RGPD4: variants seen among roughly 807,000 people sequenced by gnomAD.
The protein encoded by RGPD4 is RANBP2 like and GRIP domain containing 4.
RGPD4 carries 84 observed loss-of-function variants against 141.1 expected under a neutral mutation model. The observed-to-expected ratio is 0.60, with a 90% CI of 0.50 to 0.71. RGPD4 has a LOEUF of 0.71. RGPD4 is among the 30% of genes least tolerant of loss of function. The pLI, the probability that RGPD4 is intolerant of heterozygous loss-of-function variation, is 0.00. For missense variants in RGPD4, 918 were observed against 1,622.4 expected (o/e 0.57, Z 7.46); for synonymous variants, 298 against 566.8 (o/e 0.53, Z 6.74).
chr2:107,881,421 G>T (rs758428291), intron 21 of RGPD4, among the ~76,000 whole-genome samples: 2 of 151,638 alleles, frequency 1.3e-5, no homozygotes, highest in African/African-American at 2.4e-5. Flanking sequence ...AGGTTCAAGC[G>T]ATTCCCCTGC....
intron 1 of RGPD4, among the ~76,000 whole-genome samples, chr2:107,831,152 G>A (rs1232687278): frequency 1.0e-5 from 1 of 99,762 alleles, no homozygotes; most frequent in African/African-American, 3.5e-5. Context: ...ACTCCAGCCT[G>A]TGTGACAGAG....
chr2:107,829,545 C>T (rs1363660106), intron 1 of RGPD4, among the ~76,000 whole-genome samples: 2 of 144,246 alleles, frequency 1.4e-5, no homozygotes, highest in Admixed American at 6.8e-5. Context: ...CGGCCTCGAC[C>T]TGGCCCGGCG....
At chr2:107,845,803 A>T (rs1374690909) in intron 6 of RGPD4, among the ~76,000 whole-genome samples, 27 of 152,004 alleles carry the variant, frequency 1.8e-4, no homozygotes, top group African/African-American at 5.8e-4. Context: ...TGACCTCGTG[A>T]TCTGCCCTCC....
chr2:107,855,759 A>C (rs1682286445), intron 8 of RGPD4, among the ~76,000 whole-genome samples: 2 of 101,010 alleles, frequency 2.0e-5, no homozygotes, highest in East Asian at 5.7e-4. Flanking sequence ...GAAGATTTTC[A>C]TCACTCCATG....
At chr2:107,827,336 GCGGC>G (rs1262985388) in intron 1 of RGPD4, among the ~76,000 whole-genome samples, 2 of 137,332 alleles carry the variant, frequency 1.5e-5, no homozygotes, top group Admixed American at 7.1e-5. Flanking sequence ...CGGCCCGGCG[GCGGC>G]CTCGATGGCT....
intron 6 of RGPD4, among the ~76,000 whole-genome samples, chr2:107,844,835 T>TTTG (rs1681863652): frequency 1.1e-5 from 1 of 92,542 alleles, no homozygotes; most frequent in Non-Finnish European, 2.3e-5. Context: ...TTTTTGTTTT[T>TTTG]TTTTTTTTTT....
Position 107,890,780 on chromosome 2 carries a change from G to C in RGPD4, c.*49G>C, listed in dbSNP as rs1455801438. 6.3e-7 allele frequency: 1 copy of C among 1,597,254 alleles called. No homozygotes were observed. Among genetic ancestry groups the C allele is most frequent in the Admixed American group, 1.8e-5 (1 of 57,100 alleles). ...GGCATCCTATCTTCGTAGTTGGTTTGGACTTCGATAGGTTGATGGAAGGAA... is the reference window on the plus strand; with the variant it reads ...GGCATCCTATCTTCGTAGTTGGTTTCGACTTCGATAGGTTGATGGAAGGAA... On this transcript the variant is annotated 3_prime_UTR_variant, in exon 23 of 23. Transcript: ENST00000408999.
At chr2:107,855,522 C>G (rs1363916069) in intron 8 of RGPD4, among the ~76,000 whole-genome samples, 1 of 151,680 alleles carries the variant, frequency 6.6e-6, no homozygotes, top group Admixed American at 6.6e-5. Flanking sequence ...TTTTTTATGT[C>G]TTTGATCTGG....
chr2:107,857,474 C>G lies in RGPD4; in HGVS notation c.1276+505C>G, dbSNP rs1178348085. 4.0e-5 allele frequency among the ~76,000 whole-genome samples: 6 copies of G among 149,646 alleles called. No homozygotes were observed. In the East Asian group the frequency reaches 1.0e-3, roughly 26 times the overall value. ...TTGAGACAGGGTCTCGCTGTGTCACCTGGGCTGGAGTGTAGTGGCGTGATC... is the reference window on the plus strand; with the variant it reads ...TTGAGACAGGGTCTCGCTGTGTCACGTGGGCTGGAGTGTAGTGGCGTGATC... On this transcript the variant is annotated intron_variant, in intron 9 of 22. Transcript: ENST00000408999.
chr2:107,889,139 A>C (rs1470948676), intron 22 of RGPD4, among the ~76,000 whole-genome samples: 1 of 150,196 alleles, frequency 6.7e-6, no homozygotes, highest in Non-Finnish European at 1.5e-5. Context: ...ATGAAAACAC[A>C]GAATGGTGTC....
At chr2:107,883,168 G>A (rs1047208272) in intron 22 of RGPD4, 23 of 618,460 alleles carry the variant, frequency 3.7e-5, no homozygotes, top group Admixed American at 8.7e-5. Context: ...TCAGCTGAAC[G>A]TGGTTTTGTT....
chr2:107,829,578 C>T (rs900666727), intron 1 of RGPD4, among the ~76,000 whole-genome samples: 3 of 149,844 alleles, frequency 2.0e-5, no homozygotes, highest in African/African-American at 7.6e-5. Context: ...GCTCAGGCGT[C>T]ATGGCTCCCG....
In RGPD4 at chr2:107,870,829, A is replaced by G; in HGVS notation, c.2825A>G (p.Glu942Gly). 1.2e-6 allele frequency: 2 copies of G among 1,610,070 alleles called. No individual in the cohort carries two copies. The stretch of plus-strand genomic sequence containing the variant: ...GAAAAGGAAAGTGAAAAGCCTCTTG[A>G]AAATGATACTGGCTTCCAGGCTCAG... ...NQEKESEKPL[E>G]NDTGFQAQDI... is the part of the protein sequence containing the mutation. The change falls in exon 20 of 23, where the codon GAA (glutamate) becomes GGA (glycine). Residue 942 changes from glutamate (E) to glycine (G), a missense_variant. Coordinates refer to ENST00000408999, the MANE Select transcript of RGPD4 (RefSeq NM_182588.3).
intron 4 of RGPD4, 117 bp from the exon 5 acceptor site, chr2:107,842,891 GT>G: frequency 1.0e-4 from 1 of 9,978 alleles, no homozygotes; most frequent in Non-Finnish European, 2.3e-4. Flanking sequence ...ATAGGATGGT[GT>G]TTTTGGTGGC....
At chr2:107,873,735 T>G (rs1683011101) in intron 20 of RGPD4, among the ~76,000 whole-genome samples, 3 of 151,712 alleles carry the variant, frequency 2.0e-5, no homozygotes, top group African/African-American at 7.3e-5. Flanking sequence ...GATTCTGGCT[T>G]TTTATGTTTT....
Position 107,872,090 on chromosome 2 carries a change from A to C in RGPD4, c.4086A>C (p.Ala1362=). The change falls in exon 20 of 23, where the codon GCA becomes GCC. Residue 1362 remains alanine, a synonymous_variant. Coordinates refer to ENST00000408999, the MANE Select transcript of RGPD4 (RefSeq NM_182588.3). ...AAAAAGTTGTTTTTAGTCACAGGGC[A>C]GAACTCTACAGATATGATAAAGATG... ...ENEKVVFSHR[A]ELYRYDKDVG... is the part of the protein sequence containing the mutation. The C allele has an allele frequency of 6.2e-7, 1 of 1,611,644 alleles. No individual in the cohort carries two copies. The highest frequency in any genetic ancestry group is 1.1e-5 in the South Asian group (1 of 90,990).
chr2:107,831,679 C>G (rs1282508930), intron 1 of RGPD4, among the ~76,000 whole-genome samples: 1 of 137,592 alleles, frequency 7.3e-6, no homozygotes, highest in Non-Finnish European at 1.6e-5. Flanking sequence ...GGGTTCACAC[C>G]ATTCTCCTGC....
intron 21 of RGPD4, among the ~76,000 whole-genome samples, chr2:107,882,174 T>C (rs541779271): frequency 3.3e-5 from 5 of 151,986 alleles, no homozygotes; most frequent in Non-Finnish European, 5.9e-5. Context: ...AGAACTCCAG[T>C]ATTTACACAG....
intron 7 of RGPD4, among the ~76,000 whole-genome samples, chr2:107,849,362 CTTTTT>C (rs60901392): frequency 2.7e-5 from 2 of 73,410 alleles, no homozygotes; most frequent in Non-Finnish European, 4.8e-5. Context: ...CGCGCCTGGC[CTTTTT>C]TTTTTTTTTT....
Sources: allele counts gnomAD v4.1 joint callset (sites outside exome capture counted in the v4.1 genomes callset), GRCh38; gene constraint gnomAD v4.1.1; transcripts MANE v1.5; gene names NCBI Gene and HGNC (gene_info 2026-07-23, HGNC 2026-07-21).